SH3BGRL: variants seen among roughly 807,000 people sequenced by gnomAD.
SH3BGRL encodes SH3 domain binding glutamate rich protein like.
A neutral mutation model predicts 9.8 loss-of-function variants in SH3BGRL; 7 were observed. The observed-to-expected ratio is 0.72, with a 90% CI of 0.41 to 1.35. The LOEUF (loss-of-function observed/expected upper bound fraction) is 1.35. Ranked by LOEUF, SH3BGRL falls within the 40% of genes most tolerant of loss-of-function variation. The probability of loss-of-function intolerance (pLI) is 0.01; values close to 1 mark genes in which losing one functional copy is unlikely to be tolerated. For missense variants in SH3BGRL, 73 were observed against 84.4 expected, an observed-to-expected ratio of 0.86 and a Z score of 0.53; for synonymous variants, 36 against 29.1, an observed-to-expected ratio of 1.24 and a Z score of -0.76.
intron 1 of SH3BGRL, among the ~76,000 whole-genome samples, chrX:81,214,310 A>C (rs1252739502): frequency 1.8e-5 from 2 of 111,898 alleles, no homozygotes; most frequent in Non-Finnish European, 3.8e-5. Context: ...AATGGAGCAA[A>C]TAATGAGGAA....
chrX:81,215,857 A>G (rs1342009289), intron 1 of SH3BGRL, among the ~76,000 whole-genome samples: 2 of 111,737 alleles, frequency 1.8e-5, no homozygotes, highest in African/African-American at 3.3e-5. Context: ...TCCTTTTTAT[A>G]CCGGAACATT....
intron 1 of SH3BGRL, among the ~76,000 whole-genome samples, chrX:81,206,029 A>T (rs2147663566): frequency 9.0e-6 from 1 of 111,325 alleles, no homozygotes; most frequent in Non-Finnish European, 1.9e-5. Context: ...TGTTTATTGA[A>T]ATCATTTGCC....
At chrX:81,232,067 A>T (rs1293354267) in intron 1 of SH3BGRL, among the ~76,000 whole-genome samples, 1 of 111,047 alleles carries the variant, frequency 9.0e-6, no homozygotes, top group Non-Finnish European at 1.9e-5. Flanking sequence ...TGGGGATAAT[A>T]ATACTTACCT....
At chrX:81,204,372 G>C (rs1479807372) in intron 1 of SH3BGRL, among the ~76,000 whole-genome samples, 1 of 111,733 alleles carries the variant, frequency 8.9e-6, no homozygotes. Flanking sequence ...GCACTTTTCA[G>C]TTTGCTGTAC....
chrX:81,231,382 G>A (rs1259209556), intron 1 of SH3BGRL, among the ~76,000 whole-genome samples: 3 of 112,385 alleles, frequency 2.7e-5, no homozygotes, highest in Non-Finnish European at 5.6e-5. Flanking sequence ...AATAAAGAGA[G>A]TTGAATTTTA....
At position 81,271,731 on chromosome X, in the gene SH3BGRL, G is replaced by A. The variant is rs113904590; in HGVS notation, c.46-5253G>A. Reference sequence around the variant, plus strand: ...GCAAGACAGGCCAACATTCAAATTCGGGAAATACAGAGAACACCACAAAGA... The same window carrying A: ...GCAAGACAGGCCAACATTCAAATTCAGGAAATACAGAGAACACCACAAAGA... On this transcript the variant is annotated intron_variant, in intron 1 of 3. Coordinates refer to ENST00000373212, the MANE Select transcript of SH3BGRL (RefSeq NM_003022.3). 3.7e-3 allele frequency among the ~76,000 whole-genome samples: 412 copies of A among 111,121 alleles called. 1 individual carries two copies. The highest frequency in any genetic ancestry group is 0.013 in the African/African-American group (389 of 30,501).
chrX:81,293,912 A>T, intron 3 of SH3BGRL, among the ~76,000 whole-genome samples: 1 of 111,800 alleles, frequency 8.9e-6, no homozygotes, highest in East Asian at 2.8e-4. Flanking sequence ...GATTCTTGAT[A>T]TGTTTTAGCA....
chrX:81,297,334 A>G lies in SH3BGRL; in HGVS notation c.*107A>G. ...AAGAAATAGGCTTAATGTTGAAATAATAGATTAGTTGGGTTTTCACATGCA... is the reference window on the plus strand; with the variant it reads ...AAGAAATAGGCTTAATGTTGAAATAGTAGATTAGTTGGGTTTTCACATGCA... On this transcript the variant is annotated 3_prime_UTR_variant, in exon 4 of 4. Transcript: ENST00000373212. 2 of 609,911 alleles carry G rather than the reference A, an allele frequency of 3.3e-6. No individual in the cohort carries two copies. The highest frequency in any genetic ancestry group is 7.5e-5 in the South Asian group (2 of 26,626). 50.3% of individuals were successfully genotyped at this position (609,911 alleles called of 1,213,427 possible).
intron 3 of SH3BGRL, among the ~76,000 whole-genome samples, chrX:81,281,566 A>C (rs2075816678): frequency 8.9e-6 from 1 of 112,181 alleles, no homozygotes; most frequent in Non-Finnish European, 1.9e-5. Flanking sequence ...ATCCAGTGAA[A>C]TTAAGCATCA....
At position 81,298,318 on chromosome X, in the gene SH3BGRL, A is replaced by T. The variant is rs774815750; in HGVS notation, c.*1091A>T. On this transcript the variant is annotated 3_prime_UTR_variant, in exon 4 of 4. Coordinates refer to ENST00000373212, the MANE Select transcript of SH3BGRL (RefSeq NM_003022.3). ...ATTAAGCCTGAAGACTTCTAAAAAG[A>T]CAAGAAACATGGCCTAAATAACCAA... 1 of 111,761 alleles carries T rather than the reference A, an allele frequency of 8.9e-6. No homozygotes were observed. Among genetic ancestry groups the T allele is most frequent in the East Asian group, 2.8e-4 (1 of 3,566 alleles). The allele number at this position is 111,761 out of a possible 1,213,427, so 9.2% of individuals were successfully genotyped here.
chrX:81,251,335 CTTTT>C (rs970812587), intron 1 of SH3BGRL, among the ~76,000 whole-genome samples: 2 of 108,644 alleles, frequency 1.8e-5, no homozygotes, highest in Admixed American at 9.8e-5. Flanking sequence ...TAAAGCCACT[CTTTT>C]TTTTTCATTG....
intron 1 of SH3BGRL, among the ~76,000 whole-genome samples, chrX:81,275,229 A>G (rs923781834): frequency 1.8e-5 from 2 of 110,515 alleles, no homozygotes; most frequent in Non-Finnish European, 3.8e-5. Flanking sequence ...AATTCTTAGC[A>G]TGTCTCTTCA....
chrX:81,235,015 G>C (rs190563332), intron 1 of SH3BGRL, among the ~76,000 whole-genome samples: 1 of 111,373 alleles, frequency 9.0e-6, no homozygotes, highest in African/African-American at 3.3e-5. Flanking sequence ...TTTAATGGTG[G>C]TTGTCTTGAG....
chrX:81,250,502 C>G (rs939318286), intron 1 of SH3BGRL, among the ~76,000 whole-genome samples: 1 of 111,681 alleles, frequency 9.0e-6, no homozygotes, highest in Admixed American at 9.4e-5. Context: ...ACGCATAATA[C>G]TTTGGTATAA....
At position 81,251,368 on chromosome X, in the gene SH3BGRL, C is replaced by T. The variant is rs1417711960; in HGVS notation, c.46-25616C>T. On this transcript the variant is annotated intron_variant, in intron 1 of 3. Coordinates refer to ENST00000373212, the MANE Select transcript of SH3BGRL (RefSeq NM_003022.3). ...TTCATTGGCTTGACTAGCTCGCTTC[C>T]GCTTTTCAATTTTTAGGATGAAAAA... 5.5e-5 allele frequency among the ~76,000 whole-genome samples: 6 copies of T among 109,841 alleles called. No homozygotes were observed. The South Asian group carries it at 1.2e-3, about 21-fold the overall frequency.
chrX:81,291,518 T>TG (rs2075858060), intron 3 of SH3BGRL, among the ~76,000 whole-genome samples: 1 of 111,549 alleles, frequency 9.0e-6, no homozygotes, highest in Middle Eastern at 4.2e-3. Flanking sequence ...GAGATTTGGG[T>TG]GGGGATGCAG....
intron 1 of SH3BGRL, among the ~76,000 whole-genome samples, chrX:81,231,370 TA>T (rs1177597172): frequency 8.9e-6 from 1 of 112,643 alleles, no homozygotes; most frequent in Non-Finnish European, 1.9e-5. Context: ...GCTTCTTTTT[TA>T]AATAAAGAGA....
At chrX:81,249,702 T>C (rs1320678082) in intron 1 of SH3BGRL, among the ~76,000 whole-genome samples, 1 of 112,466 alleles carries the variant, frequency 8.9e-6, no homozygotes, top group Non-Finnish European at 1.9e-5. Flanking sequence ...CTTGCTGTCC[T>C]GACATACAGA....
chrX:81,222,827 A>G (rs1215762936), intron 1 of SH3BGRL, among the ~76,000 whole-genome samples: 2 of 111,803 alleles, frequency 1.8e-5, no homozygotes, highest in Non-Finnish European at 3.8e-5. Context: ...CATCCTGTCC[A>G]GCACTTGTTG....
Sources: gnomAD v4.1 joint callset for allele counts (sites outside exome capture counted in the v4.1 genomes callset) on GRCh38, gnomAD v4.1.1 for gene constraint, MANE v1.5 for transcripts, NCBI Gene and HGNC (gene_info 2026-07-23, HGNC 2026-07-21) for gene names.